Variants in ARMCX4 observed in about 807,000 individuals in gnomAD.
The protein encoded by ARMCX4 is armadillo repeat containing X-linked 4, also known as armadillo repeat-containing X-linked protein 4.
A neutral mutation model predicts 34.7 loss-of-function variants in ARMCX4; 3 were observed. That is an observed-to-expected ratio of 0.09 (90% CI 0.04 to 0.22). The LOEUF (loss-of-function observed/expected upper bound fraction) is 0.22. ARMCX4 is among the 10% of genes least tolerant of loss of function. ARMCX4 has a pLI of 1.00. For missense variants in ARMCX4, 1,448 were observed against 1,720.8 expected (o/e 0.84, Z 2.81); for synonymous variants, 513 against 632.8 (o/e 0.81, Z 2.84).
chrX:101,493,778 A>G lies in ARMCX4; in HGVS notation c.5189A>G (p.Asn1730Ser), dbSNP rs1171374869. Residue 1730 changes from asparagine to serine, a missense_variant, in exon 6 of 6, where the codon AAT (asparagine) becomes AGT (serine). By Grantham distance (46) the Asn-to-Ser change is conservative (BLOSUM62 1). Coordinates refer to ENST00000423738, the MANE Select transcript of ARMCX4 (RefSeq NM_001256155.3). Reference protein sequence around the residue: ...RFQVSFEVEANEGFWFGPGAE... With the variant: ...RFQVSFEVEASEGFWFGPGAE... ...CAGGTCAGTTTTGAGGTGGAGGCCA[A>G]TGAAGGATTCTGGTTTGGGCCTGGA... 13 of 1,150,131 alleles carry G rather than the reference A, an allele frequency of 1.1e-5. No homozygotes were observed. Among genetic ancestry groups the G allele is most frequent in the East Asian group, 3.3e-5 (1 of 30,533 alleles). 94.8% of individuals were successfully genotyped at this position (1,150,131 alleles called of 1,213,427 possible). A position where few individuals can be genotyped will look rare whatever the true frequency, so the allele number is the denominator to read the frequency against.
chrX:101,456,322 A>C (rs1440224719), intron 4 of ARMCX4, among the ~76,000 whole-genome samples: 1 of 111,294 alleles, frequency 9.0e-6, no homozygotes, highest in African/African-American at 3.3e-5. Context: ...CCTCATCAAC[A>C]CCTGTTTTTC....
chrX:101,533,449 C>T (rs1262296613), exon 13 of ARMCX4: 2 of 111,248 alleles, frequency 1.8e-5, no homozygotes, highest in Non-Finnish European at 3.8e-5. Flanking sequence ...ATTAAAGTCC[C>T]TTGAACCATC....
chrX:101,442,536 A>G (rs1256162174), intron 2 of ARMCX4, among the ~76,000 whole-genome samples: 1 of 111,589 alleles, frequency 9.0e-6, no homozygotes. Flanking sequence ...ACCCAAACCC[A>G]ACATCCTTGG....
chrX:101,498,081 C>T, downstream of ARMCX4: 1 of 316,383 alleles, frequency 3.2e-6, no homozygotes, highest in South Asian at 2.8e-5. Context: ...CCTTCTTGCC[C>T]CAAATTGGGA....
intron 2 of ARMCX4, among the ~76,000 whole-genome samples, chrX:101,440,866 G>A (rs182767474): frequency 3.0e-4 from 33 of 111,211 alleles, no homozygotes; most frequent in South Asian, 1.1e-3. Flanking sequence ...TCCAGGTGCC[G>A]TCTGTCACCC....
chrX:101,449,448 A>G (rs1442423441), downstream of ARMCX4, among the ~76,000 whole-genome samples: 4 of 111,983 alleles, frequency 3.6e-5, no homozygotes, highest in African/African-American at 1.3e-4. Flanking sequence ...CCTGTCTTCA[A>G]GCTCACTAAT....
Position 101,421,803 on chromosome X carries a change from A to AAAAGTCTC in ARMCX4, n.164+2805_164+2812dup, listed in dbSNP as rs782774507. 1.4e-3 allele frequency among the ~76,000 whole-genome samples: 159 copies of AAAAGTCTC among 110,320 alleles called. 1 individual carries two copies. The highest frequency in any genetic ancestry group is 4.8e-3 in the African/African-American group (145 of 30,327). On this transcript the variant is annotated intron_variant and non_coding_transcript_variant, in intron 2 of 3. Coordinates refer to the ARMCX4 transcript ENST00000430461. ...AGCCCTCATGGCTTAATCACCTCTT[A>AAAAGTCTC]AAAGTCTCACCTCTTAATACTATTA...
chrX:101,476,434 A>C (rs781975359), intron 4 of ARMCX4, among the ~76,000 whole-genome samples: 1 of 111,467 alleles, frequency 9.0e-6, no homozygotes, highest in East Asian at 2.8e-4. Context: ...AAATTTAAAA[A>C]AGGAAAGAAA....
chrX:101,476,329 C>T (rs1219319170), intron 4 of ARMCX4, among the ~76,000 whole-genome samples: 3 of 108,578 alleles, frequency 2.8e-5, no homozygotes, highest in Non-Finnish European at 3.8e-5. Flanking sequence ...GTGATAAGTC[C>T]TGTAATGATT....
upstream of ARMCX4, among the ~76,000 whole-genome samples, chrX:101,482,296 T>C (rs1556005576): frequency 1.8e-5 from 2 of 111,910 alleles, no homozygotes; most frequent in African/African-American, 6.5e-5. Flanking sequence ...ATACAAAAGG[T>C]TAATACACCA....
At chrX:101,515,452 T>C (rs1267481365) in intron 11 of ARMCX4, among the ~76,000 whole-genome samples, 1 of 54,070 alleles carries the variant, frequency 1.8e-5, no homozygotes, top group Non-Finnish European at 3.3e-5. Context: ...CCTTCCTTCC[T>C]TCCTTCCTTC....
intron 2 of ARMCX4, among the ~76,000 whole-genome samples, chrX:101,441,151 A>G (rs1931266289): frequency 9.0e-6 from 1 of 111,244 alleles, no homozygotes; most frequent in African/African-American, 3.3e-5. Flanking sequence ...AATGCCTGCT[A>G]TGTGCCTGAT....
intron 11 of ARMCX4, among the ~76,000 whole-genome samples, chrX:101,531,027 C>T (rs1240506782): frequency 8.9e-6 from 1 of 112,084 alleles, no homozygotes; most frequent in Non-Finnish European, 1.9e-5. Flanking sequence ...TTCTAGAGGT[C>T]AGAAGACTAA....
chrX:101,512,825 TACAC>T (rs199498477), intron 11 of ARMCX4, among the ~76,000 whole-genome samples: 6 of 88,313 alleles, frequency 6.8e-5, no homozygotes, highest in Admixed American at 2.5e-4. Flanking sequence ...CACATATATA[TACAC>T]ATATATATAT....
chrX:101,470,490 T>G (rs1556002804), intron 4 of ARMCX4, among the ~76,000 whole-genome samples: 1 of 110,179 alleles, frequency 9.1e-6, no homozygotes, highest in Admixed American at 9.7e-5. Flanking sequence ...TTTTTGTAAT[T>G]TTATTAATAG....
rs1195136260 is a variant in ARMCX4, at chrX:101,440,049, C to T, written n.165-4003C>T. ...CTGTGTTCCTTTGGAGGAGGAGAGG[C>T]GCTCTGATTTTTAGAGTTTCCAGTT... is the stretch of plus-strand genomic sequence containing the variant. On this transcript the variant is annotated intron_variant and non_coding_transcript_variant, in intron 2 of 3. Coordinates refer to the ARMCX4 transcript ENST00000430461. Among the ~76,000 whole-genome samples the T allele has an allele frequency of 1.2e-4, 13 of 111,715 alleles. No homozygotes were observed. The South Asian group carries it at 1.9e-3, about 16-fold the overall frequency.
At chrX:101,428,872 CTTTTTTTTTT>C (rs57998955) in intron 2 of ARMCX4, among the ~76,000 whole-genome samples, 2 of 66,254 alleles carry the variant, frequency 3.0e-5, no homozygotes, top group African/African-American at 9.8e-5. Context: ...ATTTCTTTTC[CTTTTTTTTTT>C]TTTTTTTTTT....
intron 4 of ARMCX4, among the ~76,000 whole-genome samples, chrX:101,458,939 T>C (rs1372359146): frequency 1.8e-5 from 2 of 112,228 alleles, no homozygotes; most frequent in Non-Finnish European, 3.8e-5. Flanking sequence ...AAAAATGTGT[T>C]CCTGGAGCTA....
At chrX:101,450,886 C>A (rs1931938883), downstream of ARMCX4, among the ~76,000 whole-genome samples, 2 of 111,476 alleles carry the variant, frequency 1.8e-5, no homozygotes, top group Admixed American at 9.6e-5. Context: ...GGAATAGGGG[C>A]CTCACAACTC....
Sources: allele counts gnomAD v4.1 joint callset (sites outside exome capture counted in the v4.1 genomes callset), GRCh38; gene constraint gnomAD v4.1.1; transcripts MANE v1.5; gene names NCBI Gene and HGNC (gene_info 2026-07-23, HGNC 2026-07-21).